The following C12orf42 variants were observed in gnomAD, a reference collection of about 807,000 sequenced individuals.
C12orf42 encodes uncharacterized protein C12orf42.
In C12orf42, 25 loss-of-function variants were observed where a neutral mutation model predicts 21.6. The ratio of observed to expected loss-of-function variants is 1.16; its 90% CI spans 0.84 to 1.62. C12orf42 has a LOEUF of 1.62. Ranked by LOEUF, C12orf42 falls within the 40% of genes most tolerant of loss-of-function variation. The probability of loss-of-function intolerance (pLI) is 0.00; values close to 1 mark genes in which losing one functional copy is unlikely to be tolerated. For missense variants in C12orf42, 483 were observed against 459.3 expected (o/e 1.05, Z -0.47); for synonymous variants, 174 against 175.0 (o/e 0.99, Z 0.05).
At chr12:103,232,710 CA>C (rs36070550), downstream of C12orf42, among the ~76,000 whole-genome samples, 361 of 115,294 alleles carry the variant, frequency 3.1e-3, 1 homozygote, top group East Asian at 6.8e-3. Flanking sequence ...GACTCCGTCT[CA>C]AAAAAAAAAA....
chr12:103,403,141 C>T (rs1421520795), intron 2 of C12orf42, among the ~76,000 whole-genome samples: 5 of 152,066 alleles, frequency 3.3e-5, no homozygotes, highest in Non-Finnish European at 4.4e-5. Flanking sequence ...TTTGGGAGGC[C>T]GAGGCGGGCG....
chr12:103,126,353 T>C, the C12orf42 span, among the ~76,000 whole-genome samples: 3 of 152,302 alleles, frequency 2.0e-5, no homozygotes, highest in Admixed American at 1.3e-4. Flanking sequence ...GCTTGAAAGA[T>C]TTGAAAGTCC....
chr12:103,123,218 A>G, the C12orf42 span, among the ~76,000 whole-genome samples: 1 of 152,174 alleles, frequency 6.6e-6, no homozygotes, highest in African/African-American at 2.4e-5. Flanking sequence ...CCAATCCTAG[A>G]GTGAAGAGGT....
chr12:103,236,874 T>C (rs571194853), downstream of C12orf42, among the ~76,000 whole-genome samples: 3 of 152,280 alleles, frequency 2.0e-5, no homozygotes, highest in Middle Eastern at 3.4e-3. Context: ...AATCAATCTT[T>C]CGTTAAATCT....
At chr12:103,323,507 GA>G (rs1225970995) in intron 4 of C12orf42, among the ~76,000 whole-genome samples, 1 of 152,078 alleles carries the variant, frequency 6.6e-6, no homozygotes, top group Non-Finnish European at 1.5e-5. Context: ...TTAGCAACAG[GA>G]AAAATGAAAT....
chr12:103,537,749 G>T, the C12orf42 span, among the ~76,000 whole-genome samples: 162 of 152,298 alleles, frequency 1.1e-3, 2 homozygotes, highest in South Asian at 1.0e-3. Context: ...ATTCCATGGG[G>T]CTGCTAGAAG....
intron 1 of C12orf42, among the ~76,000 whole-genome samples, chr12:103,488,665 CT>C (rs1954995035): frequency 6.6e-6 from 1 of 152,076 alleles, no homozygotes; most frequent in South Asian, 2.1e-4. Flanking sequence ...ACTCTTTTTT[CT>C]CTAAGCTTGT....
intron 10 of C12orf42, among the ~76,000 whole-genome samples, chr12:103,239,953 A>G (rs1445511432): frequency 6.6e-6 from 1 of 152,204 alleles, no homozygotes; most frequent in African/African-American, 2.4e-5. Context: ...AAGAGACTAT[A>G]TTACCAGTAA....
chr12:103,409,652 G>A (rs1380443310), intron 2 of C12orf42, among the ~76,000 whole-genome samples: 2 of 151,978 alleles, frequency 1.3e-5, no homozygotes, highest in Non-Finnish European at 2.9e-5. Flanking sequence ...TCGTATTCTG[G>A]AATTATCTTA....
At chr12:103,387,694 T>G (rs1479691773) in intron 3 of C12orf42, among the ~76,000 whole-genome samples, 3 of 152,216 alleles carry the variant, frequency 2.0e-5, no homozygotes, top group Non-Finnish European at 4.4e-5. Context: ...TACTGGAATG[T>G]AAGCTCTAAT....
chr12:103,328,662 C>G (rs1415043238), intron 4 of C12orf42, among the ~76,000 whole-genome samples: 1 of 152,166 alleles, frequency 6.6e-6, no homozygotes, highest in African/African-American at 2.4e-5. Flanking sequence ...CATTTTTATT[C>G]TCTAGAAAGA....
At chr12:103,145,447 A>G in the C12orf42 span, among the ~76,000 whole-genome samples, 7 of 152,312 alleles carry the variant, frequency 4.6e-5, no homozygotes, top group East Asian at 1.3e-3. Context: ...TTTTTCTATG[A>G]AATTGACCAA....
At chr12:103,420,632 T>C (rs929464400) in intron 2 of C12orf42, among the ~76,000 whole-genome samples, 3 of 152,106 alleles carry the variant, frequency 2.0e-5, no homozygotes, top group African/African-American at 7.2e-5. Flanking sequence ...CTGGTTCATG[T>C]GATTCTCCTC....
chr12:103,401,023 A>G (rs915187005), intron 3 of C12orf42, among the ~76,000 whole-genome samples: 2 of 152,196 alleles, frequency 1.3e-5, no homozygotes, highest in African/African-American at 4.8e-5. Context: ...GAATCTGGAA[A>G]GCTACCACAG....
the C12orf42 span, among the ~76,000 whole-genome samples, chr12:103,166,853 G>T: frequency 3.1e-4 from 47 of 151,732 alleles, no homozygotes; most frequent in African/African-American, 1.1e-3. Flanking sequence ...ATGTTGTTCT[G>T]CAATACAAAT....
the C12orf42 span, among the ~76,000 whole-genome samples, chr12:103,120,069 C>T: frequency 6.6e-6 from 1 of 152,194 alleles, no homozygotes; most frequent in Non-Finnish European, 1.5e-5. Flanking sequence ...TCTTGTATTC[C>T]CAGGACATAC....
At chr12:103,147,072 G>A in the C12orf42 span, among the ~76,000 whole-genome samples, 472 of 152,188 alleles carry the variant, frequency 3.1e-3, 5 homozygotes, top group Non-Finnish European at 3.6e-3. Context: ...TACTTAAGAA[G>A]GCCCGTAAGT....
At chr12:103,547,098 A>G in the C12orf42 span, among the ~76,000 whole-genome samples, 1 of 152,148 alleles carries the variant, frequency 6.6e-6, no homozygotes, top group Non-Finnish European at 1.5e-5. Flanking sequence ...AAATGTATGT[A>G]TGCTTTTCTT....
Position 103,447,085 on chromosome 12 carries a change from T to C in C12orf42, c.78+31264A>G, listed in dbSNP as rs557667838. On this transcript the variant is annotated intron_variant, in intron 2 of 5. Coordinates refer to ENST00000548883, the MANE Select transcript of C12orf42 (RefSeq NM_198521.5). ...ATTCTGGTCATCAGCACATGGAACATTCTCCAAGATAGACCATGTGATAGG... is the reference window on the plus strand; with the variant it reads ...ATTCTGGTCATCAGCACATGGAACACTCTCCAAGATAGACCATGTGATAGG... Among the ~76,000 whole-genome samples, 11 of 152,070 alleles carry C rather than the reference T, an allele frequency of 7.2e-5. No homozygotes were observed. In the South Asian group the frequency reaches 2.3e-3, roughly 32 times the overall value.
Sources: allele counts gnomAD v4.1 joint callset (sites outside exome capture counted in the v4.1 genomes callset), GRCh38; gene constraint gnomAD v4.1.1; transcripts MANE v1.5; gene names NCBI Gene and HGNC (gene_info 2026-07-23, HGNC 2026-07-21).